The following PDZRN4 variants were observed in gnomAD, a reference collection of about 807,000 sequenced individuals.
PDZRN4 encodes the protein PDZ domain-containing RING finger protein 4.
A neutral mutation model predicts 99.0 loss-of-function variants in PDZRN4; 70 were observed. That is an observed-to-expected ratio of 0.71 (90% CI 0.58 to 0.86). PDZRN4 has a LOEUF of 0.86. Ranked by LOEUF, PDZRN4 falls within the 40% of genes least tolerant of loss-of-function variation. The probability of loss-of-function intolerance (pLI) is 0.00; values close to 1 mark genes in which losing one functional copy is unlikely to be tolerated. For missense variants in PDZRN4, 1,474 were observed against 1,331.2 expected, an observed-to-expected ratio of 1.11 and a Z score of -1.67; for synonymous variants, 551 against 501.6, an observed-to-expected ratio of 1.10 and a Z score of -1.32.
intron 3 of PDZRN4, among the ~76,000 whole-genome samples, chr12:41,486,876 TGCTTCCACCCTTGG>T (rs564016143): frequency 1.5e-3 from 222 of 152,284 alleles, no homozygotes; most frequent in African/African-American, 5.2e-3. Flanking sequence ...GTGTCAGGAA[TGCTTCCACCCTTGG>T]GCCTTTGCCA....
chr12:41,202,804 T>A (rs1402284480), intron 3 of PDZRN4, among the ~76,000 whole-genome samples: 1 of 152,098 alleles, frequency 6.6e-6, no homozygotes, highest in Non-Finnish European at 1.5e-5. Flanking sequence ...AGCAATTGAC[T>A]ATGCTGCTTA....
chr12:41,464,839 T>C (rs984797455), intron 3 of PDZRN4, among the ~76,000 whole-genome samples: 5 of 150,400 alleles, frequency 3.3e-5, no homozygotes, highest in African/African-American at 9.8e-5. Flanking sequence ...TTTTTTTTTT[T>C]TTGAGACAGA....
intron 3 of PDZRN4, among the ~76,000 whole-genome samples, chr12:41,466,296 T>C (rs1481491238): frequency 6.6e-6 from 1 of 152,152 alleles, no homozygotes; most frequent in East Asian, 1.9e-4. Flanking sequence ...CCTGTTATAT[T>C]AAGGCAATTT....
chr12:41,507,713 A>G (rs1938232153), intron 4 of PDZRN4, among the ~76,000 whole-genome samples: 1 of 152,128 alleles, frequency 6.6e-6, no homozygotes. Context: ...GGCAATCCTA[A>G]TGTGCAGCCA....
chr12:41,361,502 C>T (rs10506188), intron 3 of PDZRN4, among the ~76,000 whole-genome samples: 44,639 of 151,766 alleles, frequency 0.29, 7,478 homozygotes, highest in Non-Finnish European at 0.39. Flanking sequence ...ATGTTCAAAC[C>T]TGATTTTATT....
At chr12:41,455,359 A>T (rs919091417) in intron 3 of PDZRN4, among the ~76,000 whole-genome samples, 4 of 152,208 alleles carry the variant, frequency 2.6e-5, no homozygotes, top group Admixed American at 6.5e-5. Flanking sequence ...CATGAAAAAG[A>T]TAGTCTTATC....
intron 3 of PDZRN4, among the ~76,000 whole-genome samples, chr12:41,389,880 A>G (rs193086076): frequency 2.1e-4 from 32 of 152,350 alleles, no homozygotes; most frequent in African/African-American, 7.7e-4. Flanking sequence ...CTTCTGCAAA[A>G]CACTGAGTGT....
At chr12:41,572,327 A>G (rs1939495883) in intron 9 of PDZRN4, 37 bp from the exon 10 acceptor site, 3 of 1,527,500 alleles carry the variant, frequency 2.0e-6, no homozygotes, top group South Asian at 2.4e-5. Context: ...TTCCAAAATC[A>G]TTAATTTTCT....
chr12:41,194,435 G>C (rs553573537), intron 3 of PDZRN4, among the ~76,000 whole-genome samples: 3 of 152,112 alleles, frequency 2.0e-5, no homozygotes, highest in Admixed American at 2.0e-4. Flanking sequence ...AGGAGTTCGA[G>C]ACCTGACTGG....
chr12:41,207,531 T>C (rs1260411709), intron 3 of PDZRN4, among the ~76,000 whole-genome samples: 2 of 151,810 alleles, frequency 1.3e-5, no homozygotes, highest in Admixed American at 6.6e-5. Flanking sequence ...CTTACTGTAA[T>C]TCATAAATAA....
intron 3 of PDZRN4, among the ~76,000 whole-genome samples, chr12:41,335,149 T>C (rs1452322995): frequency 6.6e-6 from 1 of 151,410 alleles, no homozygotes; most frequent in African/African-American, 2.4e-5. Flanking sequence ...CAAGGGGAGA[T>C]TCATTTACAC....
At chr12:41,488,450 C>G (rs1293826420) in intron 3 of PDZRN4, among the ~76,000 whole-genome samples, 1 of 152,118 alleles carries the variant, frequency 6.6e-6, no homozygotes, top group Admixed American at 6.6e-5. Flanking sequence ...TATTGAAACA[C>G]GCTATTTGTT....
chr12:41,514,265 A>C (rs1422072386), intron 5 of PDZRN4, among the ~76,000 whole-genome samples: 1 of 152,076 alleles, frequency 6.6e-6, no homozygotes, highest in Admixed American at 6.6e-5. Context: ...TGCAAGGCAT[A>C]AGTAAATCCT....
chr12:41,397,972 C>T (rs1002563043), intron 3 of PDZRN4, among the ~76,000 whole-genome samples: 8 of 151,978 alleles, frequency 5.3e-5, no homozygotes, highest in African/African-American at 1.9e-4. Context: ...AACTCAAGTT[C>T]AAATCTGAAC....
At chr12:41,279,913 AT>A (rs1385081272) in intron 3 of PDZRN4, among the ~76,000 whole-genome samples, 1 of 152,170 alleles carries the variant, frequency 6.6e-6, no homozygotes, top group East Asian at 1.9e-4. Flanking sequence ...AACATAGGGA[AT>A]TCCTGGGCAA....
chr12:41,199,465 T>TAA (rs1950800464), intron 3 of PDZRN4, among the ~76,000 whole-genome samples: 1 of 152,096 alleles, frequency 6.6e-6, no homozygotes, highest in Non-Finnish European at 1.5e-5. Flanking sequence ...CCCAAAGGAT[T>TAA]AAAAATAAAG....
intron 3 of PDZRN4, among the ~76,000 whole-genome samples, chr12:41,437,049 T>C (rs1030526676): frequency 5.3e-5 from 8 of 152,216 alleles, no homozygotes; most frequent in Non-Finnish European, 1.0e-4. Context: ...GGGCCTTCAT[T>C]ATCTAATTAA....
In PDZRN4 at chr12:41,573,731, G is replaced by A; in HGVS notation, c.2952G>A (p.Glu984=). 3 of 1,613,818 alleles carry A rather than the reference G, an allele frequency of 1.9e-6. No individual in the cohort carries two copies. The highest frequency in any genetic ancestry group is 1.7e-6 in the Non-Finnish European group (2 of 1,179,920). The change falls in exon 10 of 10, where the codon GAG becomes GAA. Residue 984 remains glutamate, a synonymous_variant. Transcript: ENST00000402685. Reference sequence around the variant, plus strand: ...AGAGCGGCAGTGAGGGCAAGAAGGAGATCAATATCATTGAACTGAGTCACA... The same window carrying A: ...AGAGCGGCAGTGAGGGCAAGAAGGAAATCAATATCATTGAACTGAGTCACA... ...SPQSGSEGKK[E]INIIELSHKK...
intron 3 of PDZRN4, among the ~76,000 whole-genome samples, chr12:41,425,512 T>G (rs1952528168): frequency 6.6e-6 from 1 of 152,078 alleles, no homozygotes; most frequent in South Asian, 2.1e-4. Flanking sequence ...GTACAGAATT[T>G]CCACACCAAT....
Sources: allele counts gnomAD v4.1 joint callset (sites outside exome capture counted in the v4.1 genomes callset), GRCh38; gene constraint gnomAD v4.1.1; transcripts MANE v1.5; gene names NCBI Gene and HGNC (gene_info 2026-07-23, HGNC 2026-07-21).